The following ZNF331 variants were observed in gnomAD, a reference collection of about 807,000 sequenced individuals.
ZNF331 encodes the protein C2H2-like zinc finger protein rearranged in thyroid adenomas.
Under a neutral mutation model 7.0 loss-of-function variants are expected in ZNF331, and 2 were observed. The ratio of observed to expected loss-of-function variants is 0.29; its 90% confidence interval spans 0.12 to 0.90. The LOEUF (loss-of-function observed/expected upper bound fraction) is 0.90, where lower values mean the gene tolerates loss of function less well. ZNF331 is among the 40% of genes least tolerant of loss of function. The probability of loss-of-function intolerance (pLI) is 0.58; values close to 1 mark genes in which losing one functional copy is unlikely to be tolerated. For synonymous variants in ZNF331, 196 were observed against 205.4 expected, an observed-to-expected ratio of 0.95 and a Z score of 0.39; for missense variants, 432 against 587.7, an observed-to-expected ratio of 0.74 and a Z score of 2.74.
chr19:53,527,084 G>C (rs1227293005), intron 2 of ZNF331, among the ~76,000 whole-genome samples: 1 of 151,912 alleles, frequency 6.6e-6, no homozygotes, highest in African/African-American at 2.4e-5. Context: ...AGCTACCCAG[G>C]AGGCTGACAC....
At chr19:53,569,254 A>G (rs572332023) in intron 3 of ZNF331, 50 bp from the exon 4 acceptor site, 13 of 1,025,776 alleles carry the variant, frequency 1.3e-5, no homozygotes, top group African/African-American at 8.0e-5. Flanking sequence ...TTACATCACT[A>G]TGGGGACCCC....
intron 5 of ZNF331, among the ~76,000 whole-genome samples, chr19:53,572,606 ATATAT>A (rs1290587226): frequency 1.6e-5 from 1 of 61,930 alleles, no homozygotes; most frequent in Non-Finnish European, 3.5e-5. Context: ...ATATACACAT[ATATAT>A]TATATATACA....
chr19:53,572,675 GCTTA>G (rs1201251297), intron 5 of ZNF331, among the ~76,000 whole-genome samples: 1 of 149,422 alleles, frequency 6.7e-6, no homozygotes, highest in African/African-American at 2.5e-5. Context: ...TATATAAACT[GCTTA>G]CTGTGTGCCA....
rs554578449 is a variant in ZNF331, at chr19:53,549,333, A to G, written c.-137-6512A>G. ...ATAACCGTAATAGGTCCGTTGCCCCATGAGCACAGCATGTCAATACAGCAG... is the reference window on the plus strand; with the variant it reads ...ATAACCGTAATAGGTCCGTTGCCCCGTGAGCACAGCATGTCAATACAGCAG... On this transcript the variant is annotated intron_variant, in intron 2 of 5. Transcript: ENST00000449416. Among the ~76,000 whole-genome samples, 7 of 152,264 alleles carry G rather than the reference A, an allele frequency of 4.6e-5. No individual in the cohort carries two copies. In the East Asian group the frequency reaches 1.2e-3, roughly 25 times the overall value.
the ZNF331 span, chr19:53,512,383 C>T: frequency 5.2e-5 from 8 of 152,384 alleles, no homozygotes; most frequent in African/African-American, 1.7e-4. Context: ...CTGCAAGCAC[C>T]TGAGCTACGT....
chr19:53,566,589 A>C (rs2090167383), intron 3 of ZNF331, among the ~76,000 whole-genome samples: 1 of 152,052 alleles, frequency 6.6e-6, no homozygotes, highest in South Asian at 2.1e-4. Context: ...TGATTATTCC[A>C]GCGAAGGGAT....
At chr19:53,547,646 TA>T (rs1319570966) in intron 2 of ZNF331, among the ~76,000 whole-genome samples, 1 of 152,240 alleles carries the variant, frequency 6.6e-6, no homozygotes, top group Non-Finnish European at 1.5e-5. Context: ...CAACAGTGTA[TA>T]AGGGTCCTCT....
Position 53,578,191 on chromosome 19 carries a change from A to C in ZNF331, c.*239A>C. The C allele has an allele frequency of 2.1e-6, 1 of 474,048 alleles. No homozygotes were observed. 29.4% of individuals were successfully genotyped at this position (474,048 alleles called of 1,614,324 possible). A position where few individuals can be genotyped will look rare whatever the true frequency, so the allele number is the denominator to read the frequency against. On this transcript the variant is annotated 3_prime_UTR_variant, in exon 6 of 6. Coordinates refer to ENST00000449416, the MANE Select transcript of ZNF331 (RefSeq NM_001079906.2). Reference sequence around the variant, plus strand: ...CACATCCACGCTGTATACGCCACCCACCCTGCTAGTGACTTAGTAGCCGTC... The same window carrying C: ...CACATCCACGCTGTATACGCCACCCCCCCTGCTAGTGACTTAGTAGCCGTC...
At chr19:53,556,531 C>T (rs1488888081) in intron 3 of ZNF331, among the ~76,000 whole-genome samples, 6 of 151,138 alleles carry the variant, frequency 4.0e-5, no homozygotes, top group Middle Eastern at 3.4e-3. Context: ...CACTATGTTA[C>T]CCAGGCTGGT....
chr19:53,503,248 A>G, the ZNF331 span: 3 of 295,036 alleles, frequency 1.0e-5, no homozygotes, highest in South Asian at 9.9e-5. Flanking sequence ...GGCTCGCTGC[A>G]GCCTCAATCT....
intron 3 of ZNF331, among the ~76,000 whole-genome samples, chr19:53,559,213 TAGAG>T (rs368484760): frequency 1.4e-5 from 2 of 147,838 alleles, no homozygotes; most frequent in Non-Finnish European, 1.5e-5. Context: ...CACCTACATA[TAGAG>T]ACACATATAT....
Position 53,545,184 on chromosome 19 carries a change from C to T in ZNF331, c.-138+5902C>T, listed in dbSNP as rs148693107. ...AAAAAATTTTTCTTGATCGCTCTTT[C>T]ACATACATTTATGTACTTCTGTTTT... On this transcript the variant is annotated intron_variant, in intron 2 of 5. Transcript: ENST00000449416. Among the ~76,000 whole-genome samples the T allele has an allele frequency of 2.0e-3, 306 of 152,308 alleles. 4 individuals are homozygous for T. Among genetic ancestry groups the T allele is most frequent in the African/African-American group, 7.1e-3 (296 of 41,570 alleles).
intron 3 of ZNF331, among the ~76,000 whole-genome samples, chr19:53,559,418 A>AT: frequency 6.6e-6 from 1 of 151,170 alleles, no homozygotes; most frequent in East Asian, 1.9e-4. Flanking sequence ...ACACATACAC[A>AT]TCGTACACAC....
chr19:53,514,429 G>C, the ZNF331 span, among the ~76,000 whole-genome samples: 1 of 151,940 alleles, frequency 6.6e-6, no homozygotes, highest in Non-Finnish European at 1.5e-5. Flanking sequence ...TCAAACTCCT[G>C]ACCTCAGGTG....
intron 5 of ZNF331, among the ~76,000 whole-genome samples, chr19:53,576,365 T>G (rs1324790719): frequency 6.6e-6 from 1 of 152,240 alleles, no homozygotes; most frequent in Non-Finnish European, 1.5e-5. Context: ...GCCATCCAAC[T>G]GCATATTGTT....
chr19:53,507,841 A>C, the ZNF331 span, among the ~76,000 whole-genome samples: 1 of 152,206 alleles, frequency 6.6e-6, no homozygotes, highest in African/African-American at 2.4e-5. Context: ...TGTACTAAAA[A>C]TACAAAAAAT....
rs377282635 is a variant in ZNF331 at position 53,571,625 on chromosome 19, G to A, written c.31G>A (p.Val11Ile). The A allele has an allele frequency of 1.2e-5, 20 of 1,613,880 alleles. No homozygotes were observed. The highest frequency in any genetic ancestry group is 1.2e-4 in the South Asian group (11 of 91,078). ...TCAGGGTTTGGTGACGTTCGCCGAC[G>A]TAGCCATAGACTTTTCTCAGGAGGA... MAQGLVTFAD[V>I]AIDFSQEEWA... Residue 11 changes from valine (V) to isoleucine (I), a missense_variant, in exon 5 of 6, where the codon GTA (valine) becomes ATA (isoleucine). Val to Ile is a conservative substitution (Grantham distance 29). This residue lies in a region of ZNF331 where 39 missense variants were observed against 68.8 expected (regional missense o/e 0.57). Transcript: ENST00000449416. The surrounding 1 kb of genome is among the most constrained non-coding windows in gnomAD (Gnocchi z 4.7).
At chr19:53,572,418 A>G (rs545538584) in intron 5 of ZNF331, among the ~76,000 whole-genome samples, 1 of 151,900 alleles carries the variant, frequency 6.6e-6, no homozygotes, top group East Asian at 1.9e-4. Flanking sequence ...ACTTGAGCCC[A>G]GGAGTTGAAG....
chr19:53,563,177 T>C (rs2147569337), intron 3 of ZNF331, among the ~76,000 whole-genome samples: 1 of 126,030 alleles, frequency 7.9e-6, no homozygotes, highest in East Asian at 3.0e-4. Context: ...AATCTCCGCC[T>C]CCCGGGTTCA....
Sources: allele counts gnomAD v4.1 joint callset (sites outside exome capture counted in the v4.1 genomes callset), GRCh38; gene constraint gnomAD v4.1.1; regional missense constraint gnomAD v4.1.1; non-coding constraint Gnocchi (gnomAD v3.1); transcripts MANE v1.5; gene names NCBI Gene and HGNC (gene_info 2026-07-23, HGNC 2026-07-21).